The following A2ML1 variants were observed in gnomAD, a reference collection of about 807,000 sequenced individuals.
The protein encoded by A2ML1 is alpha-2-macroglobulin-like protein 1.
A neutral mutation model predicts 181.9 loss-of-function variants in A2ML1; 161 were observed. That is an observed-to-expected ratio of 0.89 (90% CI 0.78 to 1.01). A2ML1 has a LOEUF of 1.01. Ranked by LOEUF, A2ML1 falls within the 50% of genes least tolerant of loss-of-function variation. A2ML1 has a pLI of 0.00. For missense variants in A2ML1, 1,670 were observed against 1,768.1 expected, an observed-to-expected ratio of 0.94 and a Z score of 1.00; for synonymous variants, 663 against 666.8, an observed-to-expected ratio of 0.99 and a Z score of 0.09.
In A2ML1 at chr12:8,861,296, A is replaced by T; in HGVS notation, c.3501A>T (p.Ser1167=). ...LKQLDQQAII[S]GESIYWSQKP... is the part of the protein sequence containing the mutation. ...AGTTAGATCAACAGGCTATCATCTC[A>T]GGTATGTTGGTCCTGTTGAGAGTTC... Residue 1167 remains serine (S), a splice_region_variant and synonymous_variant, in exon 28 of 36, where the codon TCA becomes TCT. Coordinates refer to ENST00000299698, the MANE Select transcript of A2ML1 (RefSeq NM_144670.6). 6 of 1,613,078 alleles carry T rather than the reference A, an allele frequency of 3.7e-6. No individual in the cohort carries two copies. Among genetic ancestry groups the T allele is most frequent in the Non-Finnish European group, 5.1e-6 (6 of 1,179,216 alleles).
chr12:8,860,134 C>T (rs766889096), intron 26 of A2ML1, among the ~76,000 whole-genome samples: 13 of 152,220 alleles, frequency 8.5e-5, no homozygotes, highest in African/African-American at 2.6e-4. Flanking sequence ...TTGACCTCCC[C>T]GGGCTCAGAT....
chr12:8,845,260 AG>A (rs1565474945), intron 12 of A2ML1, 181 bp from the exon 13 acceptor site: 13 of 1,494,880 alleles, frequency 8.7e-6, no homozygotes, highest in Non-Finnish European at 9.9e-6. Context: ...AGGAGCCACC[AG>A]GACCCGTTGG....
At chr12:8,873,512 A>G (rs1488373238) in intron 33 of A2ML1, among the ~76,000 whole-genome samples, 1 of 152,208 alleles carries the variant, frequency 6.6e-6, no homozygotes, top group African/African-American at 2.4e-5. Context: ...CAATGAAAAC[A>G]ATAGATATGA....
chr12:8,841,298 T>C (rs1592120206), intron 10 of A2ML1, 71 bp from the exon 11 acceptor site: 1 of 1,412,458 alleles, frequency 7.1e-7, no homozygotes, highest in South Asian at 1.4e-5. Context: ...ACCAACCTAA[T>C]ATTTCACTTT....
chr12:8,857,192 C>A lies in A2ML1; in HGVS notation c.2877C>A (p.Asn959Lys). ...ACATTATGGGCACAGCCCTGCAGAA[C>A]CTGGATGGTCTGGTGCAGATGCCCA... ...LGDIMGTALQ[N>K]LDGLVQMPSG... Residue 959 changes from asparagine (N) to lysine (K), a missense_variant, in exon 24 of 36, where the codon AAC becomes AAA. Coordinates refer to ENST00000299698, the MANE Select transcript of A2ML1 (RefSeq NM_144670.6). The A allele has an allele frequency of 6.2e-7, 1 of 1,612,656 alleles. No individual in the cohort carries two copies. Among genetic ancestry groups the A allele is most frequent in the Non-Finnish European group, 8.5e-7 (1 of 1,179,992 alleles).
intron 4 of A2ML1, 22 bp from the exon 5 acceptor site, chr12:8,834,640 A>G: frequency 6.2e-7 from 1 of 1,613,814 alleles, no homozygotes; most frequent in African/African-American, 1.3e-5. Context: ...TTTAACCCGC[A>G]TTATCTGGTT....
At position 8,841,512 on chromosome 12, in the gene A2ML1, G is replaced by T. The variant is rs372461898; in HGVS notation, c.1224G>T (p.Trp408Cys). ...LAPFTLETSGWNGTDVSLEGK... is the reference protein window; with the variant it reads ...LAPFTLETSGCNGTDVSLEGK... ...CCTTTACCTTGGAGACATCCGGTTG[G>T]AATGGGACAGACGTTTCTCTGGAGG... Residue 408 changes from tryptophan to cysteine, a missense_variant, in exon 11 of 36, where the codon TGG becomes TGT. Coordinates refer to ENST00000299698, the MANE Select transcript of A2ML1 (RefSeq NM_144670.6). 1 of 1,613,924 alleles carries T rather than the reference G, an allele frequency of 6.2e-7. No individual in the cohort carries two copies. Among genetic ancestry groups the T allele is most frequent in the East Asian group, 2.2e-5 (1 of 44,880 alleles).
intron 15 of A2ML1, among the ~76,000 whole-genome samples, chr12:8,848,254 G>A (rs1232100878): frequency 6.6e-6 from 1 of 152,086 alleles, no homozygotes; most frequent in Admixed American, 6.6e-5. Context: ...ACCAAGGCAG[G>A]CAGATCACCT....
chr12:8,836,727 G>A (rs1014361555), intron 7 of A2ML1, among the ~76,000 whole-genome samples: 8 of 151,928 alleles, frequency 5.3e-5, no homozygotes, highest in African/African-American at 1.5e-4. Context: ...CAGGTGATCC[G>A]CCCACCTTGG....
At chr12:8,845,943 A>T in intron 13 of A2ML1, 134 bp from the exon 14 acceptor site, 1 of 824,732 alleles carries the variant, frequency 1.2e-6, no homozygotes, top group South Asian at 2.7e-5. Context: ...CAGTTATCAC[A>T]GGAGAAGAGA....
At chr12:8,857,706 C>A in intron 25 of A2ML1, 118 bp downstream of exon 25, 2 of 1,190,260 alleles carry the variant, frequency 1.7e-6, no homozygotes, top group South Asian at 1.4e-5. Flanking sequence ...AGTCTTCTAC[C>A]TCTTTAATAC....
In A2ML1 at chr12:8,836,261, C is replaced by T. The variant is rs773797927; in HGVS notation, c.650C>T (p.Pro217Leu). 18 of 1,613,720 alleles carry T rather than the reference C, an allele frequency of 1.1e-5. No individual in the cohort carries two copies. The highest frequency in any genetic ancestry group is 1.6e-4 in the Middle Eastern group (1 of 6,082). ...CTCCTTTTACTCTCTTCAGTGCTGC[C>T]GAAGTTTAAGGTGGAAGTGGTGGAA... ...GTFSVEEYVLPKFKVEVVEPK... is the reference protein window; with the variant it reads ...GTFSVEEYVLLKFKVEVVEPK... Residue 217 changes from proline (P) to leucine (L), a missense_variant, in exon 7 of 36, where the codon CCG becomes CTG. Pro to Leu is a moderately conservative substitution (Grantham distance 98). Coordinates refer to ENST00000299698, the MANE Select transcript of A2ML1 (RefSeq NM_144670.6).
At chr12:8,857,483 CT>C (rs1244524052) in intron 24 of A2ML1, 23 bp from the exon 25 acceptor site, 15 of 1,611,056 alleles carry the variant, frequency 9.3e-6, no homozygotes, top group Non-Finnish European at 1.3e-5. Flanking sequence ...TCGCTGTGAT[CT>C]AAAACCACAT....
At chr12:8,849,582 A>G in intron 16 of A2ML1, 87 bp from the exon 17 acceptor site, 1 of 1,071,118 alleles carries the variant, frequency 9.3e-7, no homozygotes. Flanking sequence ...GTTTTGTTTC[A>G]ACTCTTTGAT....
intron 11 of A2ML1, 76 bp downstream of exon 11, chr12:8,841,612 C>T (rs184063616): frequency 1.3e-5 from 19 of 1,461,344 alleles, no homozygotes; most frequent in Middle Eastern, 3.9e-4. Flanking sequence ...TTCCTGTTTC[C>T]TATTCTCCCC....
chr12:8,858,730 T>C (rs1944157904), intron 26 of A2ML1, among the ~76,000 whole-genome samples: 1 of 151,980 alleles, frequency 6.6e-6, no homozygotes, highest in African/African-American at 2.4e-5. Context: ...TCTGGGAGGG[T>C]GGGCCAGAAA....
Position 8,867,901 on chromosome 12 carries a change from TGAG to T in A2ML1, c.3781_3783del (p.Glu1261del), listed in dbSNP as rs754654709. 1.2e-6 allele frequency: 2 copies of T among 1,614,130 alleles called. No homozygotes were observed. Among genetic ancestry groups the T allele is most frequent in the South Asian group, 2.2e-5 (2 of 91,096 alleles). On this transcript the variant is annotated inframe_deletion, in exon 30 of 36. Coordinates refer to ENST00000299698, the MANE Select transcript of A2ML1 (RefSeq NM_144670.6). ...ATGCCACTACCGCCTACATGCCATC[TGAG>T]GAGATCAACCTGGTTGTAAAATCCA...
At chr12:8,867,698 G>T in intron 29 of A2ML1, 144 bp from the exon 30 acceptor site, 1 of 659,738 alleles carries the variant, frequency 1.5e-6, no homozygotes, top group Non-Finnish European at 2.6e-6. Context: ...TTCTCCAGAG[G>T]AGGTGGGTAT....
rs768501124 is a variant in A2ML1 at position 8,843,146 on chromosome 12, A to G, written c.1261A>G (p.Met421Val). Reference sequence around the variant, plus strand: ...CTTTTATTCTCAGGGAAAGTTTCAAATGGAAGACTTAGTATATAATCCGGA... The same window carrying G: ...CTTTTATTCTCAGGGAAAGTTTCAAGTGGAAGACTTAGTATATAATCCGGA... ...TDVSLEGKFQ[M>V]EDLVYNPEQV... The change falls in exon 12 of 36, where the codon ATG becomes GTG. Residue 421 changes from methionine (M) to valine (V), a missense_variant. Coordinates refer to ENST00000299698, the MANE Select transcript of A2ML1 (RefSeq NM_144670.6). The G allele has an allele frequency of 6.2e-7, 1 of 1,614,104 alleles. No homozygotes were observed. Among genetic ancestry groups the G allele is most frequent in the Non-Finnish European group, 8.5e-7 (1 of 1,179,980 alleles).
Sources: allele counts gnomAD v4.1 joint callset (sites outside exome capture counted in the v4.1 genomes callset), GRCh38; gene constraint gnomAD v4.1.1; transcripts MANE v1.5; gene names NCBI Gene and HGNC (gene_info 2026-07-23, HGNC 2026-07-21).